Variants in IPO7 observed in about 807,000 individuals in gnomAD.
The protein encoded by IPO7 is importin-7.
Under a neutral mutation model 136.4 loss-of-function variants are expected in IPO7, and 13 were observed. That is an observed-to-expected ratio of 0.10 (90% CI 0.06 to 0.15). The LOEUF (loss-of-function observed/expected upper bound fraction) is 0.15. Ranked by LOEUF, IPO7 falls within the 10% of genes least tolerant of loss-of-function variation. The pLI is 1.00. For missense variants in IPO7, 857 were observed against 1,240.6 expected (o/e 0.69, Z 4.65); for synonymous variants, 403 against 404.4 (o/e 1.00, Z 0.04).
At chr11:9,400,016 C>T (rs572395462) in intron 1 of IPO7, among the ~76,000 whole-genome samples, 1 of 152,286 alleles carries the variant, frequency 6.6e-6, no homozygotes, top group East Asian at 1.9e-4. Flanking sequence ...TTCATGGATG[C>T]TGAAGTCCCT....
At chr11:9,421,151 G>T (rs139935763) in intron 8 of IPO7, among the ~76,000 whole-genome samples, 2,580 of 151,518 alleles carry the variant, frequency 0.017, 68 homozygotes, top group African/African-American at 0.058. Context: ...AGTAGAGACG[G>T]GTTTTCTCCA....
At chr11:9,440,783 A>T in intron 23 of IPO7, 122 bp downstream of exon 23, 1 of 686,372 alleles carries the variant, frequency 1.5e-6, no homozygotes, top group Non-Finnish European at 2.5e-6. Context: ...TGGTTAGGCA[A>T]AGTAACCAAA....
At position 9,434,016 on chromosome 11, in the gene IPO7, T is replaced by A. The variant is rs542775078; in HGVS notation, c.2074+170T>A. Among the ~76,000 whole-genome samples the A allele has an allele frequency of 3.3e-5, 5 of 151,810 alleles. No homozygotes were observed. In the South Asian group the frequency reaches 1.0e-3, roughly 32 times the overall value. On this transcript the variant is annotated intron_variant, in intron 18 of 24. Coordinates refer to ENST00000379719, the MANE Select transcript of IPO7 (RefSeq NM_006391.3). ...TCAGCTCATCGCAACCTATGCCTCC[T>A]GGGTTCAAGTGATTCTCCTGCCTCA...
intron 14 of IPO7, among the ~76,000 whole-genome samples, chr11:9,429,413 G>A (rs1379623563): frequency 6.6e-6 from 1 of 151,932 alleles, no homozygotes; most frequent in Non-Finnish European, 1.5e-5. Context: ...GTCTGAGGCA[G>A]CAGGATCACT....
chr11:9,434,177 C>T lies in IPO7; in HGVS notation c.2074+331C>T, dbSNP rs190577301. ...ACCTGAGGTGATCCGCCCACCTCAG[C>T]CTCCCAAAGTGCTGGGATTACAGGC... On this transcript the variant is annotated intron_variant, in intron 18 of 24. Coordinates refer to ENST00000379719, the MANE Select transcript of IPO7 (RefSeq NM_006391.3). Among the ~76,000 whole-genome samples the T allele has an allele frequency of 1.8e-3, 277 of 152,262 alleles. 1 individual carries two copies. Among genetic ancestry groups the T allele is most frequent in the African/African-American group, 6.5e-3 (269 of 41,540 alleles).
At position 9,397,332 on chromosome 11, in the gene IPO7, T is replaced by TAAAAAAAAAAAAAAAAA; in HGVS notation, c.85-5958_85-5957insAAAAAAAAAAAAAAAAA. Among the ~76,000 whole-genome samples the TAAAAAAAAAAAAAAAAA allele has an allele frequency of 3.5e-3, 43 of 12,132 alleles. 19 individuals carry two copies. Among genetic ancestry groups the TAAAAAAAAAAAAAAAAA allele is most frequent in the Non-Finnish European group, 6.0e-3 (39 of 6,456 alleles). The allele number at this position is 12,132 out of a possible 152,430, so 8.0% of individuals were successfully genotyped here. On this transcript the variant is annotated intron_variant, in intron 1 of 24. Transcript: ENST00000379719. ...AAACCCCGTCTTTACTAAAAATAATTTAAAAAAAAATATATATATATATAT... is the reference window on the plus strand; with the variant it reads ...AAACCCCGTCTTTACTAAAAATAATTAAAAAAAAAAAAAAAAATAAAAAAAAATATATATATATATAT...
chr11:9,406,314 T>C (rs1425362521), intron 2 of IPO7, among the ~76,000 whole-genome samples: 1 of 151,858 alleles, frequency 6.6e-6, no homozygotes, highest in Non-Finnish European at 1.5e-5. Flanking sequence ...TGTTTCTTTT[T>C]TATATATATT....
At chr11:9,429,595 A>G (rs1389873106) in intron 14 of IPO7, 79 bp from the exon 15 acceptor site, 3 of 1,186,338 alleles carry the variant, frequency 2.5e-6, no homozygotes, top group Non-Finnish European at 3.6e-6. Context: ...CTTTTTTAAA[A>G]AACTCATCGA....
chr11:9,398,388 G>A (rs1466405762), intron 1 of IPO7, among the ~76,000 whole-genome samples: 3 of 152,184 alleles, frequency 2.0e-5, no homozygotes, highest in Non-Finnish European at 2.9e-5. Flanking sequence ...ATGGTTATGA[G>A]AGCAATAGGG....
intron 5 of IPO7, among the ~76,000 whole-genome samples, chr11:9,416,612 G>C (rs953253863): frequency 6.6e-6 from 1 of 152,064 alleles, no homozygotes; most frequent in Admixed American, 6.6e-5. Flanking sequence ...TTTATCCCAG[G>C]AATACAAGAA....
At chr11:9,444,595 C>G (rs1033672904) in intron 24 of IPO7, among the ~76,000 whole-genome samples, 15 of 151,594 alleles carry the variant, frequency 9.9e-5, no homozygotes, top group Admixed American at 9.2e-4. Flanking sequence ...AAACTCCTGA[C>G]TCCTGAGGCG....
chr11:9,386,796 T>C (rs983078460), intron 1 of IPO7, among the ~76,000 whole-genome samples: 1 of 152,212 alleles, frequency 6.6e-6, no homozygotes, highest in African/African-American at 2.4e-5. Flanking sequence ...ATTAAACTAC[T>C]GTTTTGGAAT....
intron 1 of IPO7, among the ~76,000 whole-genome samples, chr11:9,394,308 T>A (rs1049819129): frequency 9.2e-5 from 14 of 152,164 alleles, no homozygotes; most frequent in Admixed American, 2.0e-4. Flanking sequence ...GTGGCCATAT[T>A]GGGAAATTCG....
chr11:9,418,965 G>T (rs929129803), intron 6 of IPO7, among the ~76,000 whole-genome samples: 3 of 152,054 alleles, frequency 2.0e-5, no homozygotes, highest in African/African-American at 7.2e-5. Context: ...ATTGCTGAGC[G>T]GTATCCCATT....
At chr11:9,390,896 A>C (rs1393549217) in intron 1 of IPO7, among the ~76,000 whole-genome samples, 2 of 151,988 alleles carry the variant, frequency 1.3e-5, no homozygotes, top group Non-Finnish European at 2.9e-5. Context: ...CAGCCTCCCG[A>C]GTAGCTGGGA....
At chr11:9,402,983 C>G (rs1854824078) in intron 1 of IPO7, 1 of 287,826 alleles carries the variant, frequency 3.5e-6, no homozygotes, top group Admixed American at 5.5e-5. Context: ...GATTGCGTCA[C>G]TGCACTCCAG....
intron 1 of IPO7, among the ~76,000 whole-genome samples, chr11:9,393,537 C>G (rs758919660): frequency 6.6e-6 from 1 of 152,020 alleles, no homozygotes; most frequent in South Asian, 2.1e-4. Context: ...ACCACCACCA[C>G]GTCCGGCTAA....
At chr11:9,436,592 G>A (rs1451652088) in intron 20 of IPO7, among the ~76,000 whole-genome samples, 1 of 151,798 alleles carries the variant, frequency 6.6e-6, no homozygotes, top group Admixed American at 6.6e-5. Context: ...ATCATGAAAG[G>A]TAAACTTTTG....
chr11:9,404,413 C>G (rs1010055364), intron 2 of IPO7, among the ~76,000 whole-genome samples: 40 of 151,194 alleles, frequency 2.6e-4, no homozygotes, highest in Non-Finnish European at 5.3e-4. Flanking sequence ...TGCAGTGAGC[C>G]GAGTTGGCGT....
Sources: allele counts gnomAD v4.1 joint callset (sites outside exome capture counted in the v4.1 genomes callset), GRCh38; gene constraint gnomAD v4.1.1; transcripts MANE v1.5; gene names NCBI Gene and HGNC (gene_info 2026-07-23, HGNC 2026-07-21).